The following NANOS3 variants were observed in gnomAD, a reference collection of about 807,000 sequenced individuals.
NANOS3 encodes nanos C2HC-type zinc finger 3.
A neutral mutation model predicts 13.8 loss-of-function variants in NANOS3; 11 were observed. The observed-to-expected ratio is 0.80, with a 90% CI of 0.50 to 1.32. The LOEUF (loss-of-function observed/expected upper bound fraction) is 1.32. NANOS3 is among the 40% of genes most tolerant of loss of function. The probability of loss-of-function intolerance (pLI) is 0.00; values close to 1 mark genes in which losing one functional copy is unlikely to be tolerated. For synonymous variants in NANOS3, 119 were observed against 115.4 expected (o/e 1.03, Z -0.20); for missense variants, 221 against 263.8 (o/e 0.84, Z 1.12).
intron 1 of NANOS3, among the ~76,000 whole-genome samples, chr19:13,878,078 G>T (rs1332975858): frequency 6.6e-6 from 1 of 151,280 alleles, no homozygotes; most frequent in Non-Finnish European, 1.5e-5. Flanking sequence ...CCGGCTAATT[G>T]CCACCATGCC....
At chr19:13,873,756 C>T (rs998282983), upstream of NANOS3, among the ~76,000 whole-genome samples, 2 of 152,148 alleles carry the variant, frequency 1.3e-5, no homozygotes, top group African/African-American at 4.8e-5. Context: ...AGGCCTGAGC[C>T]GCAGCACCCG....
chr19:13,862,437 T>C (rs1239581734), upstream of NANOS3, among the ~76,000 whole-genome samples: 5 of 151,890 alleles, frequency 3.3e-5, no homozygotes, highest in African/African-American at 9.7e-5. Flanking sequence ...CCCCTGCTGG[T>C]GGCTGCAGGA....
chr19:13,864,699 T>G (rs113118063), upstream of NANOS3, among the ~76,000 whole-genome samples: 160 of 152,198 alleles, frequency 1.1e-3, 2 homozygotes, highest in Middle Eastern at 0.014. Context: ...GTGTGTCTTG[T>G]GTGAGCTGTG....
chr19:13,867,493 G>C (rs1314080704), intron 1 of NANOS3, among the ~76,000 whole-genome samples: 2 of 151,746 alleles, frequency 1.3e-5, no homozygotes, highest in African/African-American at 2.4e-5. Context: ...CAAACTCGTT[G>C]AGCTCTAGCT....
rs377390118 is a variant in NANOS3 at position 13,877,389 on chromosome 19, G to C, written c.141G>C (p.Glu47Asp). 7.4e-6 allele frequency: 12 copies of C among 1,612,388 alleles called. No homozygotes were observed. The African/African-American group carries it at 1.3e-4, about 18-fold the overall frequency. Residue 47 changes from glutamate (E) to aspartate (D), a missense_variant, in exon 1 of 2, where the codon GAG becomes GAC. Physicochemically the swap from Glu to Asp is conservative, Grantham distance 45. This residue lies in a region of NANOS3 where 112 missense variants were observed against 116.3 expected (regional missense o/e 0.96). Coordinates refer to ENST00000339133, the MANE Select transcript of NANOS3 (RefSeq NM_001098622.3). ...EPMLEPVSAL[E>D]PMPAPESVPV... ...TGCTGGAGCCGGTGTCAGCCCTGGA[G>C]CCGATGCCAGCGCCGGAGTCGGTGC...
upstream of NANOS3, among the ~76,000 whole-genome samples, chr19:13,876,832 C>A (rs1425718198): frequency 6.6e-6 from 1 of 152,208 alleles, no homozygotes; most frequent in Non-Finnish European, 1.5e-5. Context: ...GGGTTTCCAA[C>A]CCATTCTCCC....
chr19:13,879,185 C>G (rs367929636), intron 1 of NANOS3, among the ~76,000 whole-genome samples: 1 of 151,498 alleles, frequency 6.6e-6, no homozygotes, highest in East Asian at 2.0e-4. Context: ...GAGATCCACC[C>G]GCCTTAGCCT....
chr19:13,872,770 A>C (rs1341926504), upstream of NANOS3, among the ~76,000 whole-genome samples: 1 of 152,028 alleles, frequency 6.6e-6, no homozygotes, highest in Non-Finnish European at 1.5e-5. Context: ...CCTGAATGGG[A>C]GGATCTGCTG....
intron 1 of NANOS3, among the ~76,000 whole-genome samples, chr19:13,870,953 C>T (rs374010141): frequency 6.6e-6 from 1 of 151,896 alleles, no homozygotes; most frequent in African/African-American, 2.4e-5. Context: ...AAGACCCTCC[C>T]AGCTGCACTG....
At chr19:13,864,764 C>T (rs1280180102), upstream of NANOS3, among the ~76,000 whole-genome samples, 2 of 152,034 alleles carry the variant, frequency 1.3e-5, no homozygotes, top group Non-Finnish European at 2.9e-5. Context: ...GACCTTCCCT[C>T]CTGTCCTGAA....
At chr19:13,864,245 C>T (rs945195933), upstream of NANOS3, among the ~76,000 whole-genome samples, 1 of 152,184 alleles carries the variant, frequency 6.6e-6, no homozygotes, top group African/African-American at 2.4e-5. Flanking sequence ...ACCGTCTGTG[C>T]AAGGATCTTT....
intron 1 of NANOS3, among the ~76,000 whole-genome samples, chr19:13,867,612 A>G (rs1024839250): frequency 2.0e-5 from 3 of 151,904 alleles, no homozygotes; most frequent in Non-Finnish European, 2.9e-5. Context: ...CCCAGACTGG[A>G]GTTCAGTGGC....
At chr19:13,865,797 G>A (rs1181543802) in intron 1 of NANOS3, among the ~76,000 whole-genome samples, 1 of 150,762 alleles carries the variant, frequency 6.6e-6, no homozygotes, top group African/African-American at 2.4e-5. Context: ...TGGGGACAGC[G>A]GCGCCCCGAC....
chr19:13,877,338 G>A lies in NANOS3; in HGVS notation c.90G>A (p.Leu30=). The A allele has an allele frequency of 6.2e-7, 1 of 1,611,574 alleles. No homozygotes were observed. The highest frequency in any genetic ancestry group is 8.5e-7 in the Non-Finnish European group (1 of 1,179,904). The stretch of plus-strand genomic sequence containing the variant: ...GGAAAGAGGGTCCTGAAACCAGGCT[G>A]AGCCCCCAGCCAGAGCCAGAGCCAA... ...LSGKEGPETR[L]SPQPEPEPML... Residue 30 remains leucine, a synonymous_variant, in exon 1 of 2, where the codon CTG becomes CTA. Coordinates refer to ENST00000339133, the MANE Select transcript of NANOS3 (RefSeq NM_001098622.3).
chr19:13,870,485 G>A (rs930990266), intron 1 of NANOS3, among the ~76,000 whole-genome samples: 1 of 150,840 alleles, frequency 6.6e-6, no homozygotes, highest in Non-Finnish European at 1.5e-5. Context: ...CTGATCCCCC[G>A]ACTTGTGCCA....
Position 13,880,043 on chromosome 19 carries a change from T to A in NANOS3, c.518-399T>A, listed in dbSNP as rs186871303. Among the ~76,000 whole-genome samples the A allele has an allele frequency of 2.6e-5, 4 of 152,114 alleles. No homozygotes were observed. The East Asian group carries it at 7.7e-4, about 29-fold the overall frequency. ...TCCGTCTCACAAAAAAAAGAAAGCA[T>A]GAAAGACTGCCTCCAGGAGAAGATA... On this transcript the variant is annotated intron_variant, in intron 1 of 1. Coordinates refer to ENST00000339133, the MANE Select transcript of NANOS3 (RefSeq NM_001098622.3).
chr19:13,877,561 C>T lies in NANOS3; in HGVS notation c.313C>T (p.Pro105Ser). The T allele has an allele frequency of 6.2e-7, 1 of 1,612,302 alleles. No homozygotes were observed. Among genetic ancestry groups the T allele is most frequent in the Non-Finnish European group, 8.5e-7 (1 of 1,179,986 alleles). ...LKDEAGRVLC[P>S]ILRDYVCPQC... The stretch of plus-strand genomic sequence containing the variant: ...GGACGAGGCTGGCAGGGTGCTGTGT[C>T]CCATCCTGCGGGACTACGTGTGTCC... The change falls in exon 1 of 2, where the codon CCC (proline) becomes TCC (serine). Residue 105 changes from proline to serine, a missense_variant. By Grantham distance (74) the Pro-to-Ser change is moderately conservative. This residue lies in a region of NANOS3 where 49 missense variants were observed against 91.0 expected (regional missense o/e 0.54). Transcript: ENST00000339133.
In NANOS3 at chr19:13,880,630, G is replaced by C. The variant is rs1346986689; in HGVS notation, c.*127G>C. On this transcript the variant is annotated 3_prime_UTR_variant, in exon 2 of 2. Transcript: ENST00000339133. ...TGGGATTGAGCCCTGGGGATGACCC[G>C]GGGTTGGCAAGGGAAGAGCTGAAAT... 3 of 804,612 alleles carry C rather than the reference G, an allele frequency of 3.7e-6. No homozygotes were observed. The East Asian group carries it at 7.7e-5, about 21-fold the overall frequency. The allele number at this position is 804,612 out of a possible 1,614,324, so 49.8% of individuals were successfully genotyped here. A position where few individuals can be genotyped will look rare whatever the true frequency, so the allele number is the denominator to read the frequency against.
chr19:13,870,947 C>A (rs552933605), intron 1 of NANOS3, among the ~76,000 whole-genome samples: 2 of 151,812 alleles, frequency 1.3e-5, no homozygotes, highest in Admixed American at 6.6e-5. Context: ...CCCAGAAAGA[C>A]CCTCCCAGCT....
Sources: allele counts gnomAD v4.1 joint callset (sites outside exome capture counted in the v4.1 genomes callset), GRCh38; gene constraint gnomAD v4.1.1; regional missense constraint gnomAD v4.1.1; transcripts MANE v1.5; gene names NCBI Gene and HGNC (gene_info 2026-07-23, HGNC 2026-07-21).